Variants in MYO16 observed in about 807,000 individuals in gnomAD.
MYO16 encodes unconventional myosin-XVI.
MYO16 carries 94 observed loss-of-function variants against 205.3 expected under a neutral mutation model. The observed-to-expected ratio is 0.46, with a 90% CI of 0.39 to 0.54. The LOEUF (loss-of-function observed/expected upper bound fraction) is 0.54, where lower values mean the gene tolerates loss of function less well. Ranked by LOEUF, MYO16 falls within the 20% of genes least tolerant of loss-of-function variation. The probability of loss-of-function intolerance (pLI) is 0.00; values close to 1 mark genes in which losing one functional copy is unlikely to be tolerated. For synonymous variants in MYO16, 988 were observed against 954.0 expected, an observed-to-expected ratio of 1.04 and a Z score of -0.66; for missense variants, 2,315 against 2,387.5, an observed-to-expected ratio of 0.97 and a Z score of 0.63.
chr13:109,037,773 A>G (rs530888314), intron 23 of MYO16, among the ~76,000 whole-genome samples: 109 of 152,284 alleles, frequency 7.2e-4, no homozygotes, highest in Non-Finnish European at 1.4e-3. Flanking sequence ...TTGGAAACTC[A>G]GTAACTTGCC....
At position 108,767,113 on chromosome 13, in the gene MYO16, T is replaced by G. The variant is rs555031462; in HGVS notation, c.508-18522T>G. 2.0e-3 allele frequency among the ~76,000 whole-genome samples: 267 copies of G among 133,148 alleles called. 2 individuals are homozygous for G. Among genetic ancestry groups the G allele is most frequent in the South Asian group, 0.013 (46 of 3,580 alleles). The allele number at this position is 133,148 out of a possible 152,430, so 87.4% of individuals were successfully genotyped here. A position where few individuals can be genotyped will look rare whatever the true frequency, so the allele number is the denominator to read the frequency against. ...TTTGTTTGTTTGTTTTGTTTTGTTT[T>G]GTTTTGAGACAGGGAGTCTCTCTCT... On this transcript the variant is annotated intron_variant, in intron 4 of 34. Coordinates refer to ENST00000457511, the MANE Select transcript of MYO16 (RefSeq NM_001198950.3).
At chr13:109,008,338 A>ACTAT (rs1211792432) in intron 21 of MYO16, among the ~76,000 whole-genome samples, 1 of 150,462 alleles carries the variant, frequency 6.6e-6, no homozygotes, top group African/African-American at 2.4e-5. Flanking sequence ...GCACTACTGT[A>ACTAT]CTATCTTGTG....
intron 6 of MYO16, among the ~76,000 whole-genome samples, chr13:108,800,465 C>A (rs1886938352): frequency 6.6e-6 from 1 of 152,068 alleles, no homozygotes; most frequent in South Asian, 2.1e-4. Context: ...CCTAGTGTGC[C>A]CTCAGTCTCG....
intron 21 of MYO16, 89 bp downstream of exon 21, chr13:108,992,537 C>G (rs1422522857): frequency 1.4e-6 from 1 of 721,416 alleles, no homozygotes; most frequent in Non-Finnish European, 2.2e-6. Context: ...AGTGTAACTA[C>G]TTACAAATAT....
chr13:108,839,267 C>A (rs1877107080), intron 9 of MYO16, among the ~76,000 whole-genome samples: 1 of 152,032 alleles, frequency 6.6e-6, no homozygotes, highest in African/African-American at 2.4e-5. Context: ...TTAACTTATT[C>A]ATGGGGGCAA....
At chr13:109,038,317 G>C (rs9559469) in intron 23 of MYO16, among the ~76,000 whole-genome samples, 57,220 of 151,940 alleles carry the variant, frequency 0.38, 11,625 homozygotes, top group East Asian at 0.83. Flanking sequence ...TGTTGCCCTC[G>C]CTAGCTTCAA....
At chr13:109,028,346 A>G in intron 23 of MYO16, 1 of 271,716 alleles carries the variant, frequency 3.7e-6, no homozygotes, top group Non-Finnish European at 7.3e-6. Flanking sequence ...CTACAATATT[A>G]AAAGAGAAAA....
chr13:108,956,746 A>G (rs909245317), intron 16 of MYO16, among the ~76,000 whole-genome samples: 1 of 152,108 alleles, frequency 6.6e-6, no homozygotes, highest in East Asian at 1.9e-4. Context: ...GCCTTTCGCC[A>G]CTGTGTTTCC....
chr13:108,635,667 A>T (rs997579750), intron 1 of MYO16, among the ~76,000 whole-genome samples: 2 of 151,742 alleles, frequency 1.3e-5, no homozygotes, highest in African/African-American at 4.8e-5. Flanking sequence ...CACTCGGCTA[A>T]TTTTTTATTT....
upstream of MYO16, among the ~76,000 whole-genome samples, chr13:108,592,712 G>A (rs1338040182): frequency 7.3e-6 from 1 of 136,826 alleles, no homozygotes; most frequent in African/African-American, 2.7e-5. Context: ...GGTACGTGTG[G>A]TGTGTGTGAG....
Position 108,665,970 on chromosome 13 carries a change from G to T in MYO16, c.113G>T (p.Arg38Leu), listed in dbSNP as rs367922317. The T allele has an allele frequency of 6.2e-7, 1 of 1,614,032 alleles. No homozygotes were observed. The highest frequency in any genetic ancestry group is 8.5e-7 in the Non-Finnish European group (1 of 1,179,964). ...CTAGAGTCCCTTCCCCTTGGCCAAC[G>T]GCAGCGTCTAGTGAAGCGCATGCGC... ...CLLESLPLGQRQRLVKRMRCE... is the reference protein window; with the variant it reads ...CLLESLPLGQLQRLVKRMRCE... Residue 38 changes from arginine to leucine, a missense_variant, in exon 2 of 35, where the codon CGG becomes CTG. Coordinates refer to ENST00000457511, the MANE Select transcript of MYO16 (RefSeq NM_001198950.3).
chr13:108,819,370 G>C (rs561462288), intron 7 of MYO16, among the ~76,000 whole-genome samples: 251 of 152,138 alleles, frequency 1.6e-3, no homozygotes, highest in Admixed American at 2.7e-3. Flanking sequence ...GAATCTATAC[G>C]ATAGGATTTC....
At chr13:109,197,566 C>T (rs1475599479) in intron 34 of MYO16, among the ~76,000 whole-genome samples, 2 of 152,106 alleles carry the variant, frequency 1.3e-5, no homozygotes, top group Non-Finnish European at 2.9e-5. Context: ...TTTTAGGCTC[C>T]AAGGACACCA....
At chr13:108,758,861 T>A (rs1885506718) in intron 4 of MYO16, among the ~76,000 whole-genome samples, 2 of 152,226 alleles carry the variant, frequency 1.3e-5, no homozygotes, top group Admixed American at 1.3e-4. Flanking sequence ...TACAGAATAG[T>A]GGACATTCCT....
At chr13:108,503,542 T>G in the MYO16 span, among the ~76,000 whole-genome samples, 7 of 152,226 alleles carry the variant, frequency 4.6e-5, no homozygotes, top group African/African-American at 1.7e-4. Context: ...TGAAGATCAT[T>G]CAAGTGAGGC....
intron 4 of MYO16, among the ~76,000 whole-genome samples, chr13:108,774,900 C>G (rs1178524617): frequency 1.3e-5 from 2 of 152,172 alleles, no homozygotes; most frequent in Non-Finnish European, 2.9e-5. Context: ...CACACACCCA[C>G]TTCCTAATCC....
chr13:108,785,299 A>G lies in MYO16; in HGVS notation c.508-336A>G, dbSNP rs531273542. ...TGAAGGCATCAGACACCTCTATTATATTAGAAACAAGACAGGATATAGGGC... is the reference window on the plus strand; with the variant it reads ...TGAAGGCATCAGACACCTCTATTATGTTAGAAACAAGACAGGATATAGGGC... On this transcript the variant is annotated intron_variant, in intron 4 of 34. Coordinates refer to ENST00000457511, the MANE Select transcript of MYO16 (RefSeq NM_001198950.3). 2.6e-5 allele frequency among the ~76,000 whole-genome samples: 4 copies of G among 152,230 alleles called. No homozygotes were observed. The East Asian group carries it at 5.8e-4, about 22-fold the overall frequency.
At chr13:108,519,914 G>T in the MYO16 span, among the ~76,000 whole-genome samples, 1 of 152,066 alleles carries the variant, frequency 6.6e-6, no homozygotes, top group African/African-American at 2.4e-5. Context: ...AATACTGTTC[G>T]TGTTTTAAAT....
rs1011574335 is a variant in MYO16 at position 108,847,331 on chromosome 13, G to T, written c.1248+2838G>T. On this transcript the variant is annotated intron_variant, in intron 10 of 34. Transcript: ENST00000457511. Reference sequence around the variant, plus strand: ...GAAGTGGCAGCTACACAGGCTTTATGCTCCTGTGTATTTATGTCCTAATAT... The same window carrying T: ...GAAGTGGCAGCTACACAGGCTTTATTCTCCTGTGTATTTATGTCCTAATAT... 3.9e-5 allele frequency among the ~76,000 whole-genome samples: 6 copies of T among 152,250 alleles called. No homozygotes were observed. In the South Asian group the frequency reaches 1.0e-3, roughly 26 times the overall value.
Sources: gnomAD v4.1 joint callset for allele counts (sites outside exome capture counted in the v4.1 genomes callset) on GRCh38, gnomAD v4.1.1 for gene constraint, MANE v1.5 for transcripts, NCBI Gene and HGNC (gene_info 2026-07-23, HGNC 2026-07-21) for gene names.